The following HERC1 variants were observed in gnomAD, a reference collection of about 807,000 sequenced individuals.
HERC1 encodes HECT and RLD domain containing E3 ubiquitin protein ligase family member 1.
Under a neutral mutation model 554.3 loss-of-function variants are expected in HERC1, and 160 were observed. The observed-to-expected ratio is 0.29, with a 90% confidence interval of 0.25 to 0.33. The LOEUF (loss-of-function observed/expected upper bound fraction) is 0.33, where lower values mean the gene tolerates loss of function less well. HERC1 is among the 10% of genes least tolerant of loss of function. The pLI is 1.00. For synonymous variants in HERC1, 2,175 were observed against 2,131.7 expected (o/e 1.02, Z -0.56); for missense variants, 4,919 against 5,918.5 (o/e 0.83, Z 5.54).
intron 11 of HERC1, among the ~76,000 whole-genome samples, chr15:63,747,325 T>A (rs921600988): frequency 6.6e-6 from 1 of 152,128 alleles, no homozygotes; most frequent in African/African-American, 2.4e-5. Flanking sequence ...CTGGGCATGA[T>A]GGCGGGTGCC....
At position 63,692,377 on chromosome 15, in the gene HERC1, T is replaced by C; in HGVS notation, c.5830+34A>G. On this transcript the variant is annotated intron_variant, in intron 31 of 77. Coordinates refer to ENST00000443617, the MANE Select transcript of HERC1 (RefSeq NM_003922.4). The surrounding 1 kb of genome is among the most constrained non-coding windows in gnomAD (Gnocchi z 4.7). ...CTTAATAAAATGCAAGTAATATCTA[T>C]AAATACTCTAAGACAAAGGCAAAGG... 2 of 1,524,252 alleles carry C rather than the reference T, an allele frequency of 1.3e-6. No individual in the cohort carries two copies. Among genetic ancestry groups the C allele is most frequent in the East Asian group, 4.6e-5 (2 of 43,670 alleles). 94.4% of individuals were successfully genotyped at this position (1,524,252 alleles called of 1,614,324 possible). A position where few individuals can be genotyped will look rare whatever the true frequency, so the allele number is the denominator to read the frequency against.
chr15:63,826,343 T>C (rs1305568065), intron 1 of HERC1, among the ~76,000 whole-genome samples: 1 of 152,196 alleles, frequency 6.6e-6, no homozygotes, highest in East Asian at 1.9e-4. Flanking sequence ...TTCTTCCTTA[T>C]GGAACTATGA....
chr15:63,789,343 G>C (rs1240041752), intron 1 of HERC1, among the ~76,000 whole-genome samples: 1 of 151,092 alleles, frequency 6.6e-6, no homozygotes, highest in African/African-American at 2.4e-5. Flanking sequence ...GCCCGCCTCG[G>C]CCTCCCAAAG....
At chr15:63,628,529 G>T in intron 70 of HERC1, 148 bp downstream of exon 70, 1 of 794,444 alleles carries the variant, frequency 1.3e-6, no homozygotes, top group Non-Finnish European at 1.9e-6. Flanking sequence ...TACTTCCAGT[G>T]CTAGTAGCAC....
At chr15:63,637,876 C>A (rs1033648646) in intron 63 of HERC1, among the ~76,000 whole-genome samples, 2 of 151,890 alleles carry the variant, frequency 1.3e-5, no homozygotes, top group Non-Finnish European at 2.9e-5. Flanking sequence ...TTTAGAACAA[C>A]AAAATGGATG....
chr15:63,793,280 G>A (rs373763022), intron 1 of HERC1, among the ~76,000 whole-genome samples: 12 of 152,272 alleles, frequency 7.9e-5, no homozygotes, highest in East Asian at 3.9e-4. Flanking sequence ...TAAAGACCAC[G>A]CTGATAAAAC....
At chr15:63,753,429 G>A (rs531073256) in intron 7 of HERC1, among the ~76,000 whole-genome samples, 4 of 151,718 alleles carry the variant, frequency 2.6e-5, no homozygotes, top group Non-Finnish European at 4.4e-5. Flanking sequence ...TACTATATGC[G>A]TATAATTTTT....
At chr15:63,778,056 C>T (rs1036586748) in intron 1 of HERC1, among the ~76,000 whole-genome samples, 3 of 151,792 alleles carry the variant, frequency 2.0e-5, no homozygotes, top group Non-Finnish European at 1.5e-5. Context: ...TTAAGAAAAA[C>T]AAGAAGGAAA....
At chr15:63,743,257 C>A (rs373657295) in intron 12 of HERC1, among the ~76,000 whole-genome samples, 81 of 89,376 alleles carry the variant, frequency 9.1e-4, no homozygotes, top group Non-Finnish European at 1.5e-3. Flanking sequence ...TTCTTTTTTT[C>A]TTTTTCTTTT....
In HERC1 at chr15:63,680,564, C is replaced by A; in HGVS notation, c.6438G>T (p.Arg2146Ser). The A allele has an allele frequency of 1.9e-6, 3 of 1,613,720 alleles. No homozygotes were observed. The South Asian group carries it at 3.3e-5, about 18-fold the overall frequency. Reference sequence around the variant, plus strand: ...CTCCATTTTTCCCAAAAGAAATGGTCCTGGCTTCCATGTCTAACACACAGG... The same window carrying A: ...CTCCATTTTTCCCAAAAGAAATGGTACTGGCTTCCATGTCTAACACACAGG... ...FITCVLDMEA[R>S]TISFGKNGEE... Residue 2146 changes from arginine to serine, a missense_variant, in exon 35 of 78, where the codon AGG (arginine) becomes AGT (serine). Physicochemically the swap from Arg to Ser is moderately radical, Grantham distance 110 (BLOSUM62 -1). Coordinates refer to ENST00000443617, the MANE Select transcript of HERC1 (RefSeq NM_003922.4). This position sits in a 1 kb window ranked among gnomAD's most constrained non-coding sequence, Gnocchi z 5.8.
Position 63,685,534 on chromosome 15 carries a change from A to C in HERC1, c.6225+825T>G, listed in dbSNP as rs541646399. Among the ~76,000 whole-genome samples the C allele has an allele frequency of 2.3e-3, 354 of 152,390 alleles. 1 individual carries two copies. The highest frequency in any genetic ancestry group is 8.0e-3 in the African/African-American group (334 of 41,600). ...TGACTAATCTACATTTTAAAAGTTAAGACAAAAGCTTAAGAATGAAGTCAC... is the reference window on the plus strand; with the variant it reads ...TGACTAATCTACATTTTAAAAGTTACGACAAAAGCTTAAGAATGAAGTCAC... On this transcript the variant is annotated intron_variant, in intron 34 of 77. Coordinates refer to ENST00000443617, the MANE Select transcript of HERC1 (RefSeq NM_003922.4).
At chr15:63,754,057 C>T (rs1004957957) in intron 7 of HERC1, among the ~76,000 whole-genome samples, 1 of 151,830 alleles carries the variant, frequency 6.6e-6, no homozygotes, top group Admixed American at 6.6e-5. Flanking sequence ...GCCTGTAGTC[C>T]CAGCTACTTG....
At position 63,672,730 on chromosome 15, in the gene HERC1, G is replaced by A. The variant is rs368821370; in HGVS notation, c.7847-36C>T. ...AAAAAAAGGTTAAGAAAGTAGTAAGGATTTGTTTTTTCAAAAATAACAGCG... is the reference window on the plus strand; with the variant it reads ...AAAAAAAGGTTAAGAAAGTAGTAAGAATTTGTTTTTTCAAAAATAACAGCG... On this transcript the variant is annotated intron_variant, in intron 38 of 77. Coordinates refer to ENST00000443617, the MANE Select transcript of HERC1 (RefSeq NM_003922.4). The A allele has an allele frequency of 4.9e-6, 7 of 1,424,604 alleles. No homozygotes were observed. In the Admixed American group the frequency reaches 1.2e-4, roughly 25 times the overall value. The allele number at this position is 1,424,604 out of a possible 1,614,324, so 88.2% of individuals were successfully genotyped here. A position where few individuals can be genotyped will look rare whatever the true frequency, so the allele number is the denominator to read the frequency against.
At chr15:63,616,855 C>T (rs954896056) in intron 74 of HERC1, 173 bp from the exon 75 acceptor site, 1 of 613,088 alleles carries the variant, frequency 1.6e-6, no homozygotes, top group African/African-American at 1.8e-5. Flanking sequence ...TTCGGCTTCC[C>T]TAATCACACG....
In HERC1 at chr15:63,694,227, A is replaced by G; in HGVS notation, c.5481-70T>C. ...GGCAAGCATAGTGCTTAAATACATAAAGCAGATTAGAGGGAAAGGGGGAAT... is the reference window on the plus strand; with the variant it reads ...GGCAAGCATAGTGCTTAAATACATAGAGCAGATTAGAGGGAAAGGGGGAAT... On this transcript the variant is annotated intron_variant, in intron 29 of 77. Coordinates refer to ENST00000443617, the MANE Select transcript of HERC1 (RefSeq NM_003922.4). This position sits in a 1 kb window ranked among gnomAD's most constrained non-coding sequence, Gnocchi z 4.3. 1 of 1,563,802 alleles carries G rather than the reference A, an allele frequency of 6.4e-7. No homozygotes were observed. Among genetic ancestry groups the G allele is most frequent in the Non-Finnish European group, 8.7e-7 (1 of 1,153,062 alleles).
chr15:63,609,116 C>T lies in HERC1; in HGVS notation c.14551G>A (p.Val4851Met), dbSNP rs748603472. ...DMDNYMLSRN[V>M]DNAEGSDTDY ...GTGTCGGAGCCCTCGGCGTTGTCCA[C>T]GTTTCTCGAGAGCATGTAGTTGTCC... Residue 4851 changes from valine to methionine, a missense_variant, in exon 78 of 78, where the codon GTG becomes ATG. Transcript: ENST00000443617. 13 of 1,613,878 alleles carry T rather than the reference C, an allele frequency of 8.1e-6. No homozygotes were observed. The highest frequency in any genetic ancestry group is 4.5e-5 in the East Asian group (2 of 44,888).
intron 1 of HERC1, among the ~76,000 whole-genome samples, chr15:63,829,571 A>G (rs373436675): frequency 0.26 from 33,082 of 127,454 alleles, 5,001 homozygotes; most frequent in Middle Eastern, 0.39. Context: ...GTATATATAT[A>G]TATATATATA....
At chr15:63,615,366 T>C (rs533173068) in intron 76 of HERC1, among the ~76,000 whole-genome samples, 57 of 152,280 alleles carry the variant, frequency 3.7e-4, no homozygotes, top group Admixed American at 2.2e-3. Context: ...CCCAACACTT[T>C]GGGAAGCTGA....
intron 1 of HERC1, among the ~76,000 whole-genome samples, chr15:63,802,156 CCA>C (rs35209627): frequency 0.23 from 34,487 of 151,978 alleles, 4,848 homozygotes; most frequent in Middle Eastern, 0.35. Context: ...CCAGGTCTCC[CCA>C]CTCCTGCCAC....
Sources: gnomAD v4.1 joint callset for allele counts (sites outside exome capture counted in the v4.1 genomes callset) on GRCh38, gnomAD v4.1.1 for gene constraint, Gnocchi (gnomAD v3.1) non-coding constraint, MANE v1.5 for transcripts, NCBI Gene and HGNC (gene_info 2026-07-23, HGNC 2026-07-21) for gene names.